The following LRRC4C variants were observed in gnomAD, a reference collection of about 807,000 sequenced individuals.
The protein encoded by LRRC4C is leucine-rich repeat-containing protein 4C.
A neutral mutation model predicts 33.6 loss-of-function variants in LRRC4C; 5 were observed. That is an observed-to-expected ratio of 0.15 (90% CI 0.08 to 0.31). The LOEUF (loss-of-function observed/expected upper bound fraction) is 0.31, where lower values mean the gene tolerates loss of function less well. Among genes scored for constraint, LRRC4C ranks in the 10% least tolerant of loss-of-function variants. The pLI, the probability that LRRC4C is intolerant of heterozygous loss-of-function variation, is 1.00. For synonymous variants in LRRC4C, 329 were observed against 302.0 expected, an observed-to-expected ratio of 1.09 and a Z score of -0.93; for missense variants, 560 against 796.7, an observed-to-expected ratio of 0.70 and a Z score of 3.58.
intron 1 of LRRC4C, among the ~76,000 whole-genome samples, chr11:41,193,468 C>T (rs1408633973): frequency 1.3e-5 from 2 of 152,034 alleles, no homozygotes; most frequent in Middle Eastern, 3.2e-3. Context: ...ATTGATGATG[C>T]CATCGTTGTT....
Position 41,263,195 on chromosome 11 carries a change from C to T in LRRC4C, c.-496+196236G>A, listed in dbSNP as rs542312595. Among the ~76,000 whole-genome samples, 189 of 152,184 alleles carry T rather than the reference C, an allele frequency of 1.2e-3. 1 individual carries two copies. The highest frequency in any genetic ancestry group is 4.4e-3 in the African/African-American group (183 of 41,532). ...AATAATTCTTTCAGAGCAAGTGAAA[C>T]CTATGCTTCTGGGAGTACTTCATGC... On this transcript the variant is annotated intron_variant, in intron 1 of 6. Coordinates refer to ENST00000528697, the MANE Select transcript of LRRC4C (RefSeq NM_001258419.2).
chr11:40,420,694 G>A (rs1274691976), intron 3 of LRRC4C, among the ~76,000 whole-genome samples: 2 of 152,168 alleles, frequency 1.3e-5, no homozygotes, highest in African/African-American at 2.4e-5. Context: ...AACCTGAATG[G>A]AGTGAGTACT....
At chr11:40,688,640 T>C (rs745960942) in intron 2 of LRRC4C, among the ~76,000 whole-genome samples, 1 of 151,990 alleles carries the variant, frequency 6.6e-6, no homozygotes, top group Non-Finnish European at 1.5e-5. Context: ...GGACACCAAA[T>C]GCTCCTACGT....
chr11:40,362,529 G>T (rs1948005450), intron 3 of LRRC4C, among the ~76,000 whole-genome samples: 1 of 152,186 alleles, frequency 6.6e-6, no homozygotes, highest in African/African-American at 2.4e-5. Flanking sequence ...AGACCAGTCT[G>T]GCCAACATGA....
chr11:41,020,903 C>A (rs114623042), intron 1 of LRRC4C, among the ~76,000 whole-genome samples: 343 of 152,154 alleles, frequency 2.3e-3, no homozygotes, highest in African/African-American at 7.9e-3. Flanking sequence ...GTCTTCTATT[C>A]TTTGCCTAGT....
chr11:40,824,781 T>C (rs1380962981), intron 2 of LRRC4C, among the ~76,000 whole-genome samples: 2 of 151,994 alleles, frequency 1.3e-5, no homozygotes, highest in Non-Finnish European at 2.9e-5. Flanking sequence ...ATTGTAGTCA[T>C]GATTTCTTGT....
intron 3 of LRRC4C, among the ~76,000 whole-genome samples, chr11:40,421,330 A>G (rs1393396681): frequency 1.3e-5 from 2 of 152,210 alleles, no homozygotes; most frequent in Non-Finnish European, 2.9e-5. Flanking sequence ...CCTTTGGGTC[A>G]AAGTCACTGG....
At position 41,057,042 on chromosome 11, in the gene LRRC4C, C is replaced by T. The variant is rs141574836; in HGVS notation, c.-495-123319G>A. Among the ~76,000 whole-genome samples the T allele has an allele frequency of 6.3e-3, 955 of 152,280 alleles. 12 individuals are homozygous for T. Among genetic ancestry groups the T allele is most frequent in the African/African-American group, 0.021 (890 of 41,562 alleles). ...TTTGTTCCAAGAGCAGGCAGGAGCC[C>T]CACCCTCCAGGGCAAAGCTGCAGCT... On this transcript the variant is annotated intron_variant, in intron 1 of 6. Transcript: ENST00000528697.
chr11:40,335,935 T>A (rs1327228253), intron 3 of LRRC4C, among the ~76,000 whole-genome samples: 1 of 152,228 alleles, frequency 6.6e-6, no homozygotes, highest in Non-Finnish European at 1.5e-5. Flanking sequence ...GAACTTCATC[T>A]GTAAAATGTA....
intron 5 of LRRC4C, among the ~76,000 whole-genome samples, chr11:40,213,531 C>A (rs1863759570): frequency 6.6e-6 from 1 of 152,142 alleles, no homozygotes. Flanking sequence ...ATTGTGGTCT[C>A]CCCTTCCTAG....
At chr11:40,472,115 A>G (rs2138301356) in intron 3 of LRRC4C, among the ~76,000 whole-genome samples, 1 of 132,676 alleles carries the variant, frequency 7.5e-6, no homozygotes, top group South Asian at 2.6e-4. Flanking sequence ...GTCTCTACTA[A>G]AAAAAATACA....
chr11:41,049,680 T>A (rs1260924244), intron 1 of LRRC4C, among the ~76,000 whole-genome samples: 1 of 152,212 alleles, frequency 6.6e-6, no homozygotes, highest in Non-Finnish European at 1.5e-5. Flanking sequence ...TATTTAGAAG[T>A]AACAGAACTT....
intron 6 of LRRC4C, among the ~76,000 whole-genome samples, chr11:40,118,841 A>G (rs1855624131): frequency 6.6e-6 from 1 of 152,206 alleles, no homozygotes; most frequent in South Asian, 2.1e-4. Context: ...TTAGAAAAGA[A>G]TGCTATCATC....
chr11:41,282,959 G>GA (rs558021403), intron 1 of LRRC4C, among the ~76,000 whole-genome samples: 1 of 152,022 alleles, frequency 6.6e-6, no homozygotes, highest in East Asian at 1.9e-4. Context: ...CAACAGGGGA[G>GA]AAAAAAATGT....
At chr11:40,220,745 A>G (rs1864346751) in intron 5 of LRRC4C, among the ~76,000 whole-genome samples, 1 of 152,184 alleles carries the variant, frequency 6.6e-6, no homozygotes, top group Admixed American at 6.5e-5. Flanking sequence ...ATAAAATATT[A>G]AACAGTACAC....
chr11:40,984,892 A>ATTTTTTTTTT (rs1352712808), intron 1 of LRRC4C, among the ~76,000 whole-genome samples: 1 of 24,652 alleles, frequency 4.1e-5, no homozygotes, highest in Non-Finnish European at 1.3e-4. Context: ...TCTCACTGAC[A>ATTTTTTTTTT]CTTTTTTTTT....
chr11:41,142,933 G>GA (rs1378605009), intron 1 of LRRC4C, among the ~76,000 whole-genome samples: 2 of 152,106 alleles, frequency 1.3e-5, no homozygotes, highest in African/African-American at 4.8e-5. Flanking sequence ...CAGAGACCAA[G>GA]AAATGCATGC....
At chr11:40,718,925 G>A (rs1048012876) in intron 2 of LRRC4C, among the ~76,000 whole-genome samples, 2 of 151,962 alleles carry the variant, frequency 1.3e-5, no homozygotes, top group African/African-American at 4.8e-5. Flanking sequence ...CATTAATAAA[G>A]CATAGAAGGA....
intron 2 of LRRC4C, among the ~76,000 whole-genome samples, chr11:40,765,601 C>A (rs183958281): frequency 6.6e-6 from 1 of 151,946 alleles, no homozygotes; most frequent in East Asian, 1.9e-4. Flanking sequence ...AATTCATAAC[C>A]ATATCAGATA....
Sources: gnomAD v4.1 joint callset for allele counts (sites outside exome capture counted in the v4.1 genomes callset) on GRCh38, gnomAD v4.1.1 for gene constraint, MANE v1.5 for transcripts, NCBI Gene and HGNC (gene_info 2026-07-23, HGNC 2026-07-21) for gene names.